The following TRIO variants were observed in gnomAD, a reference collection of about 807,000 sequenced individuals.
The protein encoded by TRIO is triple functional domain protein.
Under a neutral mutation model 351.9 loss-of-function variants are expected in TRIO, and 58 were observed. The observed-to-expected ratio is 0.16, with a 90% CI of 0.13 to 0.21. The LOEUF (loss-of-function observed/expected upper bound fraction) is 0.21. Among genes scored for constraint, TRIO ranks in the 10% least tolerant of loss-of-function variants. The probability of loss-of-function intolerance (pLI) is 1.00; values close to 1 mark genes in which losing one functional copy is unlikely to be tolerated. For missense variants in TRIO, 3,201 were observed against 4,027.8 expected, an observed-to-expected ratio of 0.79 and a Z score of 5.56; for synonymous variants, 1,758 against 1,595.7, an observed-to-expected ratio of 1.10 and a Z score of -2.42.
At chr5:14,330,655 TC>T in intron 9 of TRIO, 122 bp from the exon 10 acceptor site, 6 of 1,251,450 alleles carry the variant, frequency 4.8e-6, no homozygotes, top group Admixed American at 5.4e-5. Flanking sequence ...CATTTTTTTT[TC>T]TCGTTTGCTT....
At chr5:14,482,365 G>A (rs993965043) in intron 45 of TRIO, 3 of 346,282 alleles carry the variant, frequency 8.7e-6, no homozygotes, top group Non-Finnish European at 1.5e-5. Context: ...TAATTGAGGC[G>A]CCAGAGGTCT....
rs79754430 is a variant in TRIO, at chr5:14,267,277, G to A, written c.158-3548G>A. Among the ~76,000 whole-genome samples, 726 of 152,174 alleles carry A rather than the reference G, an allele frequency of 4.8e-3. 6 individuals are homozygous for A. Among genetic ancestry groups the A allele is most frequent in the African/African-American group, 0.016 (645 of 41,494 alleles). ...AGTAGCATTGACAAACCCCCCTGGTGGCACTGAGAAGTAGAAATGTTGCTG... is the reference window on the plus strand; with the variant it reads ...AGTAGCATTGACAAACCCCCCTGGTAGCACTGAGAAGTAGAAATGTTGCTG... On this transcript the variant is annotated intron_variant, in intron 1 of 56. Coordinates refer to ENST00000344204, the MANE Select transcript of TRIO (RefSeq NM_007118.4).
At chr5:14,386,335 G>T (rs1407674414) in intron 21 of TRIO, among the ~76,000 whole-genome samples, 1 of 152,106 alleles carries the variant, frequency 6.6e-6, no homozygotes, top group Non-Finnish European at 1.5e-5. Flanking sequence ...GGTGGCTAGG[G>T]GCTGGCTGGA....
Position 14,293,085 on chromosome 5 carries a change from A to G in TRIO, c.1127A>G (p.His376Arg). The change falls in exon 6 of 57, where the codon CAT (histidine) becomes CGT (arginine). Residue 376 changes from histidine (H) to arginine (R), a missense_variant. This residue lies in a region of TRIO where 349 missense variants were observed against 449.3 expected (regional missense o/e 0.78). Coordinates refer to ENST00000344204, the MANE Select transcript of TRIO (RefSeq NM_007118.4). ...ACAGAGATTGGGACCAGCCACCCTC[A>G]TGCCATGGAGCTTCAGACGCAGCAC... ...SYTEIGTSHPHAMELQTQHNH... is the reference protein window; with the variant it reads ...SYTEIGTSHPRAMELQTQHNH... 6.2e-7 allele frequency: 1 copy of G among 1,614,200 alleles called. No homozygotes were observed. The highest frequency in any genetic ancestry group is 8.5e-7 in the Non-Finnish European group (1 of 1,180,020).
At chr5:14,310,759 C>CA (rs1738851851) in intron 8 of TRIO, among the ~76,000 whole-genome samples, 1 of 152,218 alleles carries the variant, frequency 6.6e-6, no homozygotes. Context: ...GATTTAGGCT[C>CA]ACTGCAACCT....
At chr5:14,479,004 T>TGG (rs1410118568) in intron 41 of TRIO, among the ~76,000 whole-genome samples, 1 of 151,924 alleles carries the variant, frequency 6.6e-6, no homozygotes, top group African/African-American at 2.4e-5. Context: ...CTACCTATGG[T>TGG]GTTTGTTGGT....
chr5:14,393,841 T>G (rs1160814851), intron 27 of TRIO, among the ~76,000 whole-genome samples, 197 bp from the exon 28 acceptor site: 1 of 152,216 alleles, frequency 6.6e-6, no homozygotes, highest in Non-Finnish European at 1.5e-5. Context: ...TACCCCTTCC[T>G]CTCCAGAAGT....
chr5:14,479,805 T>C (rs1755379901), intron 42 of TRIO, 114 bp from the exon 43 acceptor site: 2 of 932,654 alleles, frequency 2.1e-6, no homozygotes, highest in Non-Finnish European at 1.6e-6. Flanking sequence ...CTAGTGCTTT[T>C]TTTCCTCGTT....
chr5:14,318,914 C>T (rs1407843965), intron 9 of TRIO, among the ~76,000 whole-genome samples: 1 of 152,094 alleles, frequency 6.6e-6, no homozygotes, highest in Non-Finnish European at 1.5e-5. Context: ...AGCAAGGGCA[C>T]CCCCTCCTTT....
At chr5:14,212,944 GGTTA>G (rs1444273918) in intron 1 of TRIO, among the ~76,000 whole-genome samples, 2 of 152,134 alleles carry the variant, frequency 1.3e-5, no homozygotes, top group Non-Finnish European at 2.9e-5. Flanking sequence ...AACACTGTAC[GGTTA>G]GTTAAGACTC....
At chr5:14,406,507 C>G in intron 32 of TRIO, 66 bp from the exon 33 acceptor site, 1 of 1,483,360 alleles carries the variant, frequency 6.7e-7, no homozygotes, top group Non-Finnish European at 9.4e-7. Context: ...TTAAACAAAT[C>G]AGTTGCTTCT....
At chr5:14,392,787 C>T (rs1251407068) in intron 27 of TRIO, among the ~76,000 whole-genome samples, 2 of 152,198 alleles carry the variant, frequency 1.3e-5, no homozygotes, top group Non-Finnish European at 2.9e-5. Context: ...CGGCTCACGC[C>T]TGTAATCCCA....
At chr5:14,203,150 T>C (rs1469875502) in intron 1 of TRIO, among the ~76,000 whole-genome samples, 1 of 152,212 alleles carries the variant, frequency 6.6e-6, no homozygotes, top group East Asian at 1.9e-4. Context: ...TATTGGGCAC[T>C]GAATAGTTAT....
intron 34 of TRIO, 190 bp downstream of exon 34, chr5:14,420,211 C>T (rs943299505): frequency 1.3e-5 from 11 of 834,230 alleles, no homozygotes; most frequent in African/African-American, 3.5e-5. Flanking sequence ...ATTTCACCCA[C>T]GACTCAGAAA....
intron 1 of TRIO, among the ~76,000 whole-genome samples, chr5:14,145,803 C>A (rs1787488985): frequency 6.6e-6 from 1 of 152,204 alleles, no homozygotes. Context: ...CGAAGATTTG[C>A]TGCCTGTTGG....
intron 19 of TRIO, among the ~76,000 whole-genome samples, chr5:14,376,566 T>G (rs937071215): frequency 6.6e-6 from 1 of 152,230 alleles, no homozygotes; most frequent in African/African-American, 2.4e-5. Context: ...TTAGTCATCT[T>G]TCTGTGTCAG....
At chr5:14,455,252 T>A (rs539100957) in intron 34 of TRIO, among the ~76,000 whole-genome samples, 1 of 152,316 alleles carries the variant, frequency 6.6e-6, no homozygotes, top group African/African-American at 2.4e-5. Flanking sequence ...ATTGGTCCAT[T>A]TTGCAGAGAG....
chr5:14,465,726 T>C, intron 37 of TRIO, 86 bp downstream of exon 37: 3 of 1,440,654 alleles, frequency 2.1e-6, no homozygotes, highest in East Asian at 2.4e-5. Context: ...TTTGTATTGC[T>C]CTGGGCTGCA....
intron 1 of TRIO, among the ~76,000 whole-genome samples, chr5:14,162,979 A>G (rs42292): frequency 0.7 from 106,690 of 151,722 alleles, 38,741 homozygotes; most frequent in African/African-American, 0.9. Context: ...GCTAATTTTT[A>G]TTTTTTGTTT....
Sources: gnomAD v4.1 joint callset for allele counts (sites outside exome capture counted in the v4.1 genomes callset) on GRCh38, gnomAD v4.1.1 for gene constraint, gnomAD v4.1.1 regional missense constraint, MANE v1.5 for transcripts, NCBI Gene and HGNC (gene_info 2026-07-23, HGNC 2026-07-21) for gene names.